CNTNAP2: variants seen among roughly 807,000 people sequenced by gnomAD.
The protein encoded by CNTNAP2 is contactin-associated protein-like 2.
CNTNAP2 carries 98 observed loss-of-function variants against 155.2 expected under a neutral mutation model. The ratio of observed to expected loss-of-function variants is 0.63; its 90% CI spans 0.54 to 0.75. CNTNAP2 has a LOEUF of 0.75. CNTNAP2 is among the 30% of genes least tolerant of loss of function. CNTNAP2 has a pLI of 0.00. For missense variants in CNTNAP2, 1,727 were observed against 1,688.1 expected, an observed-to-expected ratio of 1.02 and a Z score of -0.40; for synonymous variants, 651 against 631.2, an observed-to-expected ratio of 1.03 and a Z score of -0.47.
intron 1 of CNTNAP2, among the ~76,000 whole-genome samples, chr7:146,307,745 A>G (rs892563317): frequency 6.6e-6 from 1 of 152,212 alleles, no homozygotes; most frequent in Non-Finnish European, 1.5e-5. Flanking sequence ...TTCCCTATTT[A>G]ATAAATGGTG....
intron 1 of CNTNAP2, among the ~76,000 whole-genome samples, chr7:146,120,576 T>C (rs1307602165): frequency 6.6e-6 from 1 of 152,208 alleles, no homozygotes; most frequent in Non-Finnish European, 1.5e-5. Context: ...GTGCATATCA[T>C]ATTTTAAATC....
At chr7:146,658,448 C>G (rs984167027) in intron 1 of CNTNAP2, among the ~76,000 whole-genome samples, 1 of 150,284 alleles carries the variant, frequency 6.7e-6, no homozygotes. Context: ...AAGGAATATT[C>G]ATCCTTTTCA....
chr7:146,211,723 C>T (rs558094411), intron 1 of CNTNAP2, among the ~76,000 whole-genome samples: 1 of 152,090 alleles, frequency 6.6e-6, no homozygotes, highest in South Asian at 2.1e-4. Context: ...GTGAGTCAAA[C>T]ATGAGGAAAT....
At chr7:146,237,059 A>G (rs1799486582) in intron 1 of CNTNAP2, among the ~76,000 whole-genome samples, 1 of 151,856 alleles carries the variant, frequency 6.6e-6, no homozygotes, top group Admixed American at 6.6e-5. Flanking sequence ...ACACGGGGGG[A>G]GCTAAAACAA....
At chr7:147,999,755 G>A (rs187305305) in intron 15 of CNTNAP2, among the ~76,000 whole-genome samples, 4 of 152,180 alleles carry the variant, frequency 2.6e-5, no homozygotes, top group East Asian at 3.9e-4. Flanking sequence ...TCTCACACAC[G>A]GGGAGAACAC....
chr7:147,475,771 A>G (rs1302511587), intron 10 of CNTNAP2, among the ~76,000 whole-genome samples: 1 of 152,168 alleles, frequency 6.6e-6, no homozygotes, highest in East Asian at 1.9e-4. Flanking sequence ...ATACGTTTAA[A>G]TCTTTCATCT....
chr7:147,316,425 A>G (rs1343058480), intron 9 of CNTNAP2, among the ~76,000 whole-genome samples: 1 of 152,174 alleles, frequency 6.6e-6, no homozygotes, highest in East Asian at 1.9e-4. Context: ...AGCATCATCA[A>G]GGGACAAGTT....
chr7:148,119,104 G>A (rs1047530874), intron 16 of CNTNAP2, among the ~76,000 whole-genome samples: 11 of 152,300 alleles, frequency 7.2e-5, no homozygotes, highest in Middle Eastern at 6.8e-3. Context: ...GTTGAACTCC[G>A]TTGGCTGTGA....
intron 9 of CNTNAP2, among the ~76,000 whole-genome samples, chr7:147,340,297 G>A (rs966602791): frequency 6.6e-6 from 1 of 152,088 alleles, no homozygotes. Context: ...ATGCTAGAAA[G>A]GAACCATATT....
At chr7:147,177,770 A>T (rs1308005090) in intron 8 of CNTNAP2, among the ~76,000 whole-genome samples, 1 of 152,092 alleles carries the variant, frequency 6.6e-6, no homozygotes, top group Non-Finnish European at 1.5e-5. Flanking sequence ...GGGTTGAGGG[A>T]GATCCAGTTT....
intron 1 of CNTNAP2, among the ~76,000 whole-genome samples, chr7:146,522,064 T>C (rs762837608): frequency 2.0e-5 from 3 of 151,942 alleles, no homozygotes; most frequent in Non-Finnish European, 2.9e-5. Flanking sequence ...CCTGTTTTTT[T>C]CTAATATTTT....
Position 147,794,747 on chromosome 7 carries a change from T to TA in CNTNAP2, c.2099-108813dup, listed in dbSNP as rs1244291575. Among the ~76,000 whole-genome samples the TA allele has an allele frequency of 4.4e-3, 665 of 149,542 alleles. 8 individuals carry two copies. Among genetic ancestry groups the TA allele is most frequent in the Non-Finnish European group, 6.1e-3 (408 of 67,346 alleles). Reference sequence around the variant, plus strand: ...TTTTCTTTATGGGTAGTTTTTTTTTTAAAAACAATTAATTCAATCTTATTT... The same window carrying TA: ...TTTTCTTTATGGGTAGTTTTTTTTTTAAAAAACAATTAATTCAATCTTATTT... On this transcript the variant is annotated intron_variant, in intron 13 of 23. Transcript: ENST00000361727.
chr7:147,465,304 C>T (rs1324657949), intron 10 of CNTNAP2, among the ~76,000 whole-genome samples: 2 of 151,914 alleles, frequency 1.3e-5, no homozygotes, highest in Middle Eastern at 3.2e-3. Flanking sequence ...TAACTTGAAT[C>T]TAAAATTTTG....
chr7:147,522,525 G>A (rs1265176959), intron 11 of CNTNAP2, among the ~76,000 whole-genome samples: 3 of 151,810 alleles, frequency 2.0e-5, no homozygotes. Context: ...TTGTAGCAGA[G>A]CCTATAAATT....
At chr7:146,683,918 C>A (rs943624628) in intron 1 of CNTNAP2, among the ~76,000 whole-genome samples, 1 of 152,170 alleles carries the variant, frequency 6.6e-6, no homozygotes, top group African/African-American at 2.4e-5. Flanking sequence ...TTGTGAGACT[C>A]TTGCCATCCT....
chr7:146,426,444 CAT>C (rs1796092460), intron 1 of CNTNAP2, among the ~76,000 whole-genome samples: 1 of 149,402 alleles, frequency 6.7e-6, no homozygotes, highest in Admixed American at 6.7e-5. Context: ...TTTATACACA[CAT>C]ATACATAAAT....
intron 19 of CNTNAP2, among the ~76,000 whole-genome samples, chr7:148,226,846 GCTTGGCCCT>G (rs1000039225): frequency 1.3e-5 from 2 of 152,212 alleles, no homozygotes; most frequent in Non-Finnish European, 2.9e-5. Context: ...CAAGTCGCCC[GCTTGGCCCT>G]CTTCCAAGTG....
chr7:146,421,931 G>A (rs551499035), intron 1 of CNTNAP2, among the ~76,000 whole-genome samples: 1 of 151,720 alleles, frequency 6.6e-6, no homozygotes, highest in Admixed American at 6.6e-5. Context: ...ATATATTATA[G>A]ATGCTTGTTT....
chr7:147,399,077 C>T (rs1409233228), intron 10 of CNTNAP2, among the ~76,000 whole-genome samples: 1 of 151,900 alleles, frequency 6.6e-6, no homozygotes. Context: ...ACATTTGACC[C>T]AGAGAGCACA....
Sources: gnomAD v4.1 joint callset for allele counts (sites outside exome capture counted in the v4.1 genomes callset) on GRCh38, gnomAD v4.1.1 for gene constraint, MANE v1.5 for transcripts, NCBI Gene and HGNC (gene_info 2026-07-23, HGNC 2026-07-21) for gene names.